The following EHMT1 variants were observed in gnomAD, a reference collection of about 807,000 sequenced individuals.
EHMT1 encodes the protein euchromatic histone lysine methyltransferase 1, also known as histone-lysine N-methyltransferase EHMT1.
EHMT1 carries 15 observed loss-of-function variants against 147.2 expected under a neutral mutation model. The observed-to-expected ratio is 0.10, with a 90% CI of 0.07 to 0.16. The LOEUF is 0.16. EHMT1 is among the 10% of genes least tolerant of loss of function. EHMT1 has a pLI of 1.00. For missense variants in EHMT1, 1,587 were observed against 1,772.4 expected (o/e 0.90, Z 1.88); for synonymous variants, 795 against 709.6 (o/e 1.12, Z -1.91).
At chr9:137,729,851 C>CA in intron 4 of EHMT1, among the ~76,000 whole-genome samples, 1 of 152,310 alleles carries the variant, frequency 6.6e-6, no homozygotes, top group South Asian at 2.1e-4. Context: ...ACAGCACAGA[C>CA]ATCCCGGTGA....
intron 19 of EHMT1, 119 bp from the exon 20 acceptor site, chr9:137,812,887 T>C (rs1433190111): frequency 1.3e-5 from 18 of 1,387,358 alleles, no homozygotes; most frequent in Non-Finnish European, 1.7e-5. Flanking sequence ...GTTCAAGTTA[T>C]CTCACAGTGA....
intron 5 of EHMT1, 84 bp downstream of exon 5, chr9:137,743,612 G>C: frequency 1.3e-6 from 2 of 1,592,758 alleles, no homozygotes; most frequent in Non-Finnish European, 1.7e-6. Context: ...TAATTTGGGT[G>C]ACCTCAGTCC....
At chr9:137,803,100 T>A in intron 18 of EHMT1, 3 of 1,229,702 alleles carry the variant, frequency 2.4e-6, no homozygotes, top group Non-Finnish European at 3.0e-6. Flanking sequence ...CTGGGCAGTT[T>A]GCAGCCTGTC....
At chr9:137,686,230 T>C (rs2134693826) in intron 1 of EHMT1, among the ~76,000 whole-genome samples, 1 of 70,546 alleles carries the variant, frequency 1.4e-5, no homozygotes, top group East Asian at 2.4e-4. Flanking sequence ...AATTTATCTG[T>C]TTTTTCTTTG....
intron 16 of EHMT1, among the ~76,000 whole-genome samples, chr9:137,797,119 G>A (rs1953027166): frequency 6.6e-6 from 1 of 152,210 alleles, no homozygotes; most frequent in African/African-American, 2.4e-5. Context: ...CTTCTCGGAA[G>A]GAGGCAGGAA....
In EHMT1 at chr9:137,813,638, G is replaced by C. The variant is rs1389784964; in HGVS notation, c.3180+108G>C. 1 of 1,489,036 alleles carries C rather than the reference G, an allele frequency of 6.7e-7. No individual in the cohort carries two copies. Among genetic ancestry groups the C allele is most frequent in the African/African-American group, 1.4e-5 (1 of 72,022 alleles). The allele number at this position is 1,489,036 out of a possible 1,614,324, so 92.2% of individuals were successfully genotyped here. ...CACCACTCAGAGCAGGAGGGCTTAT[G>C]GGGGGCTTCCCAGGAAGACCTCATT... On this transcript the variant is annotated intron_variant, in intron 21 of 26. Coordinates refer to ENST00000460843, the MANE Select transcript of EHMT1 (RefSeq NM_024757.5). This position sits in a 1 kb window ranked among gnomAD's most constrained non-coding sequence, Gnocchi z 4.9.
At position 137,716,946 on chromosome 9, in the gene EHMT1, C is replaced by T. The variant is rs866531374; in HGVS notation, c.406C>T (p.Pro136Ser). The T allele has an allele frequency of 6.2e-7, 1 of 1,612,916 alleles. No homozygotes were observed. Among genetic ancestry groups the T allele is most frequent in the Non-Finnish European group, 8.5e-7 (1 of 1,179,824 alleles). ...AAATAAGCCGGCCCTACAGGCACAG[C>T]CCTTGAGGACTACCAGCACTCTGGC... ...ILNKPALQAQPLRTTSTLASS... is the reference protein window; with the variant it reads ...ILNKPALQAQSLRTTSTLASS... The change falls in exon 3 of 27, where the codon CCC becomes TCC. Residue 136 changes from proline (P) to serine (S), a missense_variant. Coordinates refer to ENST00000460843, the MANE Select transcript of EHMT1 (RefSeq NM_024757.5).
intron 1 of EHMT1, among the ~76,000 whole-genome samples, chr9:137,678,633 A>G (rs1454194731): frequency 6.6e-6 from 1 of 151,842 alleles, no homozygotes; most frequent in Non-Finnish European, 1.5e-5. Flanking sequence ...TCTATATACC[A>G]GGTTTTTTTC....
intron 1 of EHMT1, among the ~76,000 whole-genome samples, chr9:137,631,966 C>G (rs1021264648): frequency 1.1e-4 from 16 of 152,188 alleles, no homozygotes; most frequent in Non-Finnish European, 1.5e-5. Context: ...GGGTAGTGCA[C>G]TGCCTTTTCT....
intron 1 of EHMT1, among the ~76,000 whole-genome samples, chr9:137,669,028 G>A (rs1320801812): frequency 1.3e-5 from 2 of 152,066 alleles, no homozygotes; most frequent in Non-Finnish European, 2.9e-5. Flanking sequence ...CTGGGACCAC[G>A]TGCGTGCGCC....
chr9:137,689,940 G>A (rs1401510354), intron 1 of EHMT1, among the ~76,000 whole-genome samples: 2 of 152,192 alleles, frequency 1.3e-5, no homozygotes, highest in Non-Finnish European at 2.9e-5. Context: ...TGAGGCCGAG[G>A]AACTCTGGTC....
At position 137,771,197 on chromosome 9, in the gene EHMT1, C is replaced by CTT. The variant is rs1189483493; in HGVS notation, c.1648-3893_1648-3892dup. ...TCAGAGCTGCCTCCATCTTCCATGT[C>CTT]TTTTTTTTTTTTTTTTTTTTGAGAT... On this transcript the variant is annotated intron_variant, in intron 10 of 26. Transcript: ENST00000460843. Among the ~76,000 whole-genome samples, 759 of 105,884 alleles carry CTT rather than the reference C, an allele frequency of 7.2e-3. 43 individuals carry two copies. The highest frequency in any genetic ancestry group is 0.022 in the South Asian group (64 of 2,954). The allele number at this position is 105,884 out of a possible 152,430, so 69.5% of individuals were successfully genotyped here.
intron 1 of EHMT1, among the ~76,000 whole-genome samples, chr9:137,632,771 T>C (rs1843715775): frequency 6.6e-6 from 1 of 152,198 alleles, no homozygotes; most frequent in Non-Finnish European, 1.5e-5. Context: ...TTCAAGCATT[T>C]AATGACTGTT....
At chr9:137,797,065 G>A (rs1398404254) in intron 16 of EHMT1, among the ~76,000 whole-genome samples, 1 of 152,134 alleles carries the variant, frequency 6.6e-6, no homozygotes, top group Admixed American at 6.5e-5. Context: ...TAAAGGTATT[G>A]AGATCCGTGG....
intron 1 of EHMT1, among the ~76,000 whole-genome samples, chr9:137,674,086 G>A (rs1489522663): frequency 6.6e-6 from 1 of 152,194 alleles, no homozygotes; most frequent in African/African-American, 2.4e-5. Flanking sequence ...AGAGGCAGTG[G>A]GGCGATCCAG....
chr9:137,696,306 C>T (rs977297716), intron 1 of EHMT1, among the ~76,000 whole-genome samples: 3 of 152,100 alleles, frequency 2.0e-5, no homozygotes, highest in African/African-American at 7.2e-5. Flanking sequence ...GTTTCCTGGA[C>T]CGAAGTTGCT....
intron 1 of EHMT1, among the ~76,000 whole-genome samples, chr9:137,691,204 T>C (rs1308651420): frequency 6.6e-6 from 1 of 152,120 alleles, no homozygotes; most frequent in Non-Finnish European, 1.5e-5. Context: ...TATTTATCTT[T>C]TGTGCTTGGC....
intron 2 of EHMT1, among the ~76,000 whole-genome samples, chr9:137,714,859 A>G (rs1307012497): frequency 2.6e-5 from 4 of 152,090 alleles, no homozygotes; most frequent in Non-Finnish European, 5.9e-5. Flanking sequence ...TATAGATTCA[A>G]TTTGAGGGGA....
intron 25 of EHMT1, among the ~76,000 whole-genome samples, chr9:137,822,685 T>C (rs1406789106): frequency 1.3e-5 from 2 of 151,660 alleles, no homozygotes; most frequent in Non-Finnish European, 2.9e-5. Context: ...ACGAGGTCAG[T>C]AGTTCGAGAC....
Sources: gnomAD v4.1 joint callset for allele counts (sites outside exome capture counted in the v4.1 genomes callset) on GRCh38, gnomAD v4.1.1 for gene constraint, Gnocchi (gnomAD v3.1) non-coding constraint, MANE v1.5 for transcripts, NCBI Gene and HGNC (gene_info 2026-07-23, HGNC 2026-07-21) for gene names.